DHX57: variants seen among roughly 807,000 people sequenced by gnomAD.
DHX57 encodes the protein putative ATP-dependent RNA helicase DHX57.
In DHX57, 105 loss-of-function variants were observed where a neutral mutation model predicts 156.2. The observed-to-expected ratio is 0.67, with a 90% CI of 0.57 to 0.79. DHX57 has a LOEUF of 0.79. Among genes scored for constraint, DHX57 ranks in the 30% least tolerant of loss-of-function variants. The pLI, the probability that DHX57 is intolerant of heterozygous loss-of-function variation, is 0.00. For missense variants in DHX57, 1,847 were observed against 1,661.9 expected (o/e 1.11, Z -1.94); for synonymous variants, 704 against 595.6 (o/e 1.18, Z -2.65).
chr2:38,807,904 C>G (rs369584660), intron 21 of DHX57, among the ~76,000 whole-genome samples: 135 of 150,750 alleles, frequency 9.0e-4, no homozygotes, highest in African/African-American at 3.2e-3. Flanking sequence ...CCTCTGTCTC[C>G]CAAAGTGCTG....
At position 38,843,047 on chromosome 2, in the gene DHX57, C is replaced by T; in HGVS notation, c.2383G>A (p.Asp795Asn). The part of the protein sequence containing the change: ...DQDSVKDAVP[D>N]QQLDFKQLLA... ...AGCTGCTTAAAATCTAACTGTTGAT[C>T]TGGCACTGCATCTTTGACAGAATCC... is the stretch of plus-strand genomic sequence containing the variant. The change falls in exon 12 of 24, where the codon GAT becomes AAT. Residue 795 changes from aspartate (D) to asparagine (N), a missense_variant. Transcript: ENST00000457308. The T allele has an allele frequency of 6.2e-7, 1 of 1,614,186 alleles. No homozygotes were observed. The highest frequency in any genetic ancestry group is 8.5e-7 in the Non-Finnish European group (1 of 1,180,020).
rs1220058552 is a variant in DHX57, at chr2:38,854,121, C to T, written c.1963G>A (p.Gly655Arg). The change falls in exon 9 of 24, where the codon GGA (glycine) becomes AGA (arginine). Residue 655 changes from glycine (G) to arginine (R), a missense_variant. By Grantham distance (125) the Gly-to-Arg change is moderately radical. Transcript: ENST00000457308. ...GAAACTCCTTGTAGAGCTGTATCTC[C>T]TTCTAGCCTTCTCAGCAGCACTCCC... ...TTGVLLRRLE[G>R]DTALQGVSHI... 1.2e-6 allele frequency: 2 copies of T among 1,614,054 alleles called. No homozygotes were observed. Among genetic ancestry groups the T allele is most frequent in the Admixed American group, 3.3e-5 (2 of 60,032 alleles).
chr2:38,865,016 T>G (rs1249892237), intron 2 of DHX57, among the ~76,000 whole-genome samples: 1 of 152,196 alleles, frequency 6.6e-6, no homozygotes, highest in East Asian at 1.9e-4. Context: ...CTACTCTCCT[T>G]TAAAACACCT....
chr2:38,798,191 C>G lies in DHX57; in HGVS notation c.*108G>C. The G allele has an allele frequency of 6.8e-7, 1 of 1,460,594 alleles. No individual in the cohort carries two copies. Among genetic ancestry groups the G allele is most frequent in the Non-Finnish European group, 9.2e-7 (1 of 1,088,794 alleles). The allele number at this position is 1,460,594 out of a possible 1,614,324, so 90.5% of individuals were successfully genotyped here. ...CTTGGGCTTCATGCCCTGGGCTCCT[C>G]CACCAGGGCCAGCCCCAATAGGTCT... On this transcript the variant is annotated 3_prime_UTR_variant, in exon 24 of 24. Transcript: ENST00000457308.
chr2:38,840,353 A>G (rs1671919558), intron 12 of DHX57, among the ~76,000 whole-genome samples: 1 of 152,078 alleles, frequency 6.6e-6, no homozygotes, highest in African/African-American at 2.4e-5. Flanking sequence ...TGAAAGGCGA[A>G]AGAGAACATT....
chr2:38,822,845 C>A, intron 17 of DHX57, 148 bp downstream of exon 17: 2 of 750,278 alleles, frequency 2.7e-6, no homozygotes, highest in Non-Finnish European at 4.2e-6. Context: ...TGACCTTCTC[C>A]CTCCCATGCA....
chr2:38,815,924 A>G (rs934344075), intron 19 of DHX57: 1 of 471,948 alleles, frequency 2.1e-6, no homozygotes, highest in Non-Finnish European at 3.9e-6. Context: ...CTAGATTACA[A>G]TTTTAAACAC....
chr2:38,827,624 A>G (rs996785283), intron 14 of DHX57, among the ~76,000 whole-genome samples: 2 of 150,296 alleles, frequency 1.3e-5, no homozygotes, highest in Admixed American at 6.7e-5. Context: ...TAACCTCAGA[A>G]ACTTCATTCT....
rs761504403 is a variant in DHX57 at position 38,861,664 on chromosome 2, T to A, written c.746A>T (p.Gln249Leu). 1.2e-6 allele frequency: 2 copies of A among 1,614,212 alleles called. No individual in the cohort carries two copies. The highest frequency in any genetic ancestry group is 1.7e-6 in the Non-Finnish European group (2 of 1,180,044). The change falls in exon 5 of 24, where the codon CAG (glutamine) becomes CTG (leucine). Residue 249 changes from glutamine (Q) to leucine (L), a missense_variant. By Grantham distance (113) the Gln-to-Leu change is moderately radical. Transcript: ENST00000457308. Reference protein sequence around the residue: ...ISLDECMEQRQEEAFALKSIC... With the variant: ...ISLDECMEQRLEEAFALKSIC... The stretch of plus-strand genomic sequence containing the variant: ...GGACTTGAGAGCAAATGCCTCTTCC[T>A]GTCGCTGTTCCATACACTCATCCAA...
intron 13 of DHX57, among the ~76,000 whole-genome samples, chr2:38,830,294 C>G (rs754876088): frequency 6.6e-6 from 1 of 152,106 alleles, no homozygotes; most frequent in Non-Finnish European, 1.5e-5. Flanking sequence ...AGAATGTTCA[C>G]ATATATTATC....
chr2:38,824,953 G>C (rs1358496773), intron 16 of DHX57, among the ~76,000 whole-genome samples: 4 of 152,068 alleles, frequency 2.6e-5, no homozygotes, highest in Non-Finnish European at 5.9e-5. Context: ...CCAGCCCAAA[G>C]CTGCAGTCAT....
intron 15 of DHX57, 53 bp downstream of exon 15, chr2:38,826,463 C>A: frequency 1.3e-6 from 2 of 1,585,362 alleles, no homozygotes; most frequent in African/African-American, 1.3e-5. Context: ...AACGGTGTCT[C>A]CCTAAATGAA....
Position 38,847,000 on chromosome 2 carries a change from T to C in DHX57, c.2219+19A>G, listed in dbSNP as rs369532478. Reference sequence around the variant, plus strand: ...CATGCCAGGTCCTTTCACTGAATCTTAATTAATATCTTCCTTACCTTGTCA... The same window carrying C: ...CATGCCAGGTCCTTTCACTGAATCTCAATTAATATCTTCCTTACCTTGTCA... On this transcript the variant is annotated intron_variant, in intron 11 of 23. Transcript: ENST00000457308. 2 of 1,604,830 alleles carry C rather than the reference T, an allele frequency of 1.2e-6. No homozygotes were observed. The highest frequency in any genetic ancestry group is 2.7e-5 in the African/African-American group (2 of 74,680).
At chr2:38,852,207 T>C (rs986718644) in intron 9 of DHX57, among the ~76,000 whole-genome samples, 1 of 151,816 alleles carries the variant, frequency 6.6e-6, no homozygotes, top group Non-Finnish European at 1.5e-5. Context: ...TTTTTTTTCT[T>C]GCTCTGTCGC....
In DHX57 at chr2:38,867,073, C is replaced by G. The variant is rs544434600; in HGVS notation, c.224+1109G>C. On this transcript the variant is annotated intron_variant, in intron 2 of 23. Coordinates refer to ENST00000457308, the MANE Select transcript of DHX57 (RefSeq NM_198963.3). ...ATACTCTATTTTTACTATACCTTTT[C>G]TACAACTAGACATGTTTAGATACAC... 5.9e-5 allele frequency: 9 copies of G among 152,334 alleles called. No homozygotes were observed. The South Asian group carries it at 1.7e-3, about 28-fold the overall frequency. 9.4% of individuals were successfully genotyped at this position (152,334 alleles called of 1,614,324 possible).
chr2:38,825,740 T>C, intron 16 of DHX57, 107 bp downstream of exon 16: 1 of 1,115,370 alleles, frequency 9.0e-7, no homozygotes, highest in Admixed American at 2.1e-5. Flanking sequence ...TTATTGGTGG[T>C]CATTCTTAGC....
chr2:38,874,548 T>C (rs1201041005), intron 1 of DHX57, among the ~76,000 whole-genome samples: 1 of 151,840 alleles, frequency 6.6e-6, no homozygotes, highest in Admixed American at 6.6e-5. Flanking sequence ...TAGCTGGGAC[T>C]ACAGGCACCC....
chr2:38,826,657 G>T lies in DHX57; in HGVS notation c.2672C>A (p.Ser891Tyr), dbSNP rs989143086. 1 of 1,614,116 alleles carries T rather than the reference G, an allele frequency of 6.2e-7. No individual in the cohort carries two copies. Among genetic ancestry groups the T allele is most frequent in the Non-Finnish European group, 8.5e-7 (1 of 1,180,000 alleles). Residue 891 changes from serine to tyrosine, a missense_variant, in exon 15 of 24, where the codon TCC becomes TAC. Coordinates refer to ENST00000457308, the MANE Select transcript of DHX57 (RefSeq NM_198963.3). ...AAACACAGCCTGCTGCTCTTCACTG[G>T]ATAAAGATGAATGAAGTGGGTGAAT... Reference protein sequence around the residue: ...CVIHPLHSSLSSEEQQAVFVK... With the variant: ...CVIHPLHSSLYSEEQQAVFVK...
intron 23 of DHX57, among the ~76,000 whole-genome samples, chr2:38,799,633 C>T (rs1187805985): frequency 1.3e-5 from 2 of 150,382 alleles, no homozygotes; most frequent in East Asian, 2.0e-4. Context: ...GCCTGTAATC[C>T]CAGCTACTCG....
Sources: gnomAD v4.1 joint callset for allele counts (sites outside exome capture counted in the v4.1 genomes callset) on GRCh38, gnomAD v4.1.1 for gene constraint, MANE v1.5 for transcripts, NCBI Gene and HGNC (gene_info 2026-07-23, HGNC 2026-07-21) for gene names.